The following IGSF9 variants were observed in gnomAD, a reference collection of about 807,000 sequenced individuals.
IGSF9 encodes protein turtle homolog A.
In IGSF9, 87 loss-of-function variants were observed where a neutral mutation model predicts 121.7. That is an observed-to-expected ratio of 0.71 (90% CI 0.60 to 0.85). The LOEUF is 0.85. IGSF9 is among the 40% of genes least tolerant of loss of function. The pLI, the probability that IGSF9 is intolerant of heterozygous loss-of-function variation, is 0.00. For missense variants in IGSF9, 1,462 were observed against 1,565.3 expected (o/e 0.93, Z 1.11); for synonymous variants, 640 against 648.4 (o/e 0.99, Z 0.20).
chr1:159,935,449 C>A (rs1240865756), intron 6 of IGSF9, among the ~76,000 whole-genome samples: 1 of 152,232 alleles, frequency 6.6e-6, no homozygotes, highest in Non-Finnish European at 1.5e-5. Context: ...GGGCAGCTGG[C>A]TGTCCCCCAT....
At position 159,930,821 on chromosome 1, in the gene IGSF9, C is replaced by T; in HGVS notation, c.1684G>A (p.Val562Met). The part of the protein sequence containing the change: ...RMHHDWVSLA[V>M]PVGAAHLLVP... The stretch of plus-strand genomic sequence containing the variant: ...AGGAGGTGAGCAGCCCCCACAGGCA[C>T]TGCCAAGGACACCCAGTCATGGTGC... Residue 562 changes from valine (V) to methionine (M), a missense_variant, in exon 14 of 21, where the codon GTG (valine) becomes ATG (methionine). By Grantham distance (21) the Val-to-Met change is conservative. Coordinates refer to ENST00000368094, the MANE Select transcript of IGSF9 (RefSeq NM_001135050.2). 1 of 1,613,416 alleles carries T rather than the reference C, an allele frequency of 6.2e-7. No homozygotes were observed. Among genetic ancestry groups the T allele is most frequent in the Non-Finnish European group, 8.5e-7 (1 of 1,179,684 alleles).
intron 16 of IGSF9, 33 bp downstream of exon 16, chr1:159,929,858 C>A (rs948867826): frequency 6.3e-7 from 1 of 1,584,640 alleles, no homozygotes; most frequent in Admixed American, 1.8e-5. Context: ...CTCGGAGCAG[C>A]CCTGGGGCTC....
At chr1:159,929,151 G>T in intron 18 of IGSF9, 133 bp from the exon 19 acceptor site, 2 of 1,322,588 alleles carry the variant, frequency 1.5e-6, no homozygotes, top group Non-Finnish European at 2.1e-6. Flanking sequence ...GACCAACAAG[G>T]TGGAGGGGTG....
At position 159,942,983 on chromosome 1, in the gene IGSF9, C is replaced by A; in HGVS notation, c.227G>T (p.Arg76Leu). 1 of 1,613,054 alleles carries A rather than the reference C, an allele frequency of 6.2e-7. No homozygotes were observed. Residue 76 changes from arginine to leucine, a missense_variant, in exon 3 of 21, where the codon CGA becomes CTA. This residue lies in a region of IGSF9 where 558 missense variants were observed against 599.4 expected (regional missense o/e 0.93). Coordinates refer to ENST00000368094, the MANE Select transcript of IGSF9 (RefSeq NM_001135050.2). ...IFIQFGLYSP[R>L]IDPDYVGRVR... ...CTTACCCACGTAATCAGGGTCAATT[C>A]GGGGAGAGTAGAGGCCGAACTGGAT...
chr1:159,943,559 A>G lies in IGSF9; in HGVS notation c.-105T>C. On this transcript the variant is annotated 5_prime_UTR_variant, in exon 2 of 21. Coordinates refer to ENST00000368094, the MANE Select transcript of IGSF9 (RefSeq NM_001135050.2). ...GCTCAGGGAACAGGTTTCAGCTCTC[A>G]CTCTTCTGTACAGTGAGGGCTTGGC... is the stretch of plus-strand genomic sequence containing the variant. 9.3e-7 allele frequency: 1 copy of G among 1,076,960 alleles called. No homozygotes were observed. The highest frequency in any genetic ancestry group is 1.3e-6 in the Non-Finnish European group (1 of 779,240). 66.7% of individuals were successfully genotyped at this position (1,076,960 alleles called of 1,614,324 possible). A position where few individuals can be genotyped will look rare whatever the true frequency, so the allele number is the denominator to read the frequency against.
At chr1:159,940,086 C>T (rs1651327745) in intron 3 of IGSF9, among the ~76,000 whole-genome samples, 1 of 152,190 alleles carries the variant, frequency 6.6e-6, no homozygotes, top group South Asian at 2.1e-4. Context: ...ATTTAATCCT[C>T]CCAAGAATTC....
rs1243890431 is a variant in IGSF9, at chr1:159,936,435, C to T, written c.637G>A (p.Gly213Ser). ...AGCTGGGTGGCGTGGGTGGCGCTGC[C>T]CTCAGTGCTGGAGGCTTGGCAGGTG... ...VYTCQASSTE[G>S]SATHATQLLV... The change falls in exon 6 of 21, where the codon GGC becomes AGC. Residue 213 changes from glycine (G) to serine (S), a missense_variant. Around this residue, in one of 3 missense-constraint regions of IGSF9, gnomAD observed 558 missense variants for 599.4 expected, o/e 0.93. Transcript: ENST00000368094. The T allele has an allele frequency of 6.2e-7, 1 of 1,614,096 alleles. No homozygotes were observed. Among genetic ancestry groups the T allele is most frequent in the Non-Finnish European group, 8.5e-7 (1 of 1,180,006 alleles).
In IGSF9 at chr1:159,929,673, C is replaced by G. The variant is rs1253367574; in HGVS notation, c.2291G>C (p.Arg764Thr). 6.3e-7 allele frequency: 1 copy of G among 1,595,644 alleles called. No individual in the cohort carries two copies. The highest frequency in any genetic ancestry group is 1.3e-5 in the African/African-American group (1 of 74,868). Residue 764 changes from arginine (R) to threonine (T), a missense_variant, in exon 17 of 21, where the codon AGG (arginine) becomes ACG (threonine). By Grantham distance (71) the Arg-to-Thr change is moderately conservative. Around this residue, in one of 3 missense-constraint regions of IGSF9, gnomAD observed 808 missense variants for 815.2 expected, o/e 0.99. Coordinates refer to ENST00000368094, the MANE Select transcript of IGSF9 (RefSeq NM_001135050.2). The part of the protein sequence containing the change: ...ILAGCLLNRR[R>T]AARRRRKRLR... Reference sequence around the variant, plus strand: ...GCGCTTGCGGCGGCGGCGGGCAGCCCTGCGCCGGTTCAGGAGGCAGCCGGC... The same window carrying G: ...GCGCTTGCGGCGGCGGCGGGCAGCCGTGCGCCGGTTCAGGAGGCAGCCGGC...
chr1:159,931,650 A>T lies in IGSF9; in HGVS notation c.1363-47T>A. ...CTGAGGACACACGCAGCCACCCCTC[A>T]CCAAAGGCGCCCCTCATCTCTCCAG... On this transcript the variant is annotated intron_variant, in intron 11 of 20. Transcript: ENST00000368094. This position sits in a 1 kb window ranked among gnomAD's most constrained non-coding sequence, Gnocchi z 4.8. The T allele has an allele frequency of 6.3e-7, 1 of 1,593,742 alleles. No homozygotes were observed. The highest frequency in any genetic ancestry group is 8.6e-7 in the Non-Finnish European group (1 of 1,166,638).
rs1651196557 is a variant in IGSF9, at chr1:159,936,639, T to C, written c.555+115A>G. 33 of 1,528,936 alleles carry C rather than the reference T, an allele frequency of 2.2e-5. 1 individual carries two copies. Among genetic ancestry groups the C allele is most frequent in the Middle Eastern group, 4.5e-4 (2 of 4,478 alleles). The allele number at this position is 1,528,936 out of a possible 1,614,324, so 94.7% of individuals were successfully genotyped here. A position where few individuals can be genotyped will look rare whatever the true frequency, so the allele number is the denominator to read the frequency against. The stretch of plus-strand genomic sequence containing the variant: ...CGGGGCAAACAATGCCAAGCCCTTC[T>C]TCTGGCCCATCCTCCAGCCTGGCCT... On this transcript the variant is annotated intron_variant, in intron 5 of 20. Coordinates refer to ENST00000368094, the MANE Select transcript of IGSF9 (RefSeq NM_001135050.2).
At position 159,931,377 on chromosome 1, in the gene IGSF9, G is replaced by A. The variant is rs956605458; in HGVS notation, c.1513+76C>T. On this transcript the variant is annotated intron_variant, in intron 12 of 20. Transcript: ENST00000368094. This position sits in a 1 kb window ranked among gnomAD's most constrained non-coding sequence, Gnocchi z 4.8. ...ATCATCCCAGGGGTCCCACACCCAT[G>A]ATCCTCTTTCTGGGCCTCCAAAAAC... 131 of 1,596,920 alleles carry A rather than the reference G, an allele frequency of 8.2e-5. No homozygotes were observed. The highest frequency in any genetic ancestry group is 1.5e-5 in the Non-Finnish European group (18 of 1,169,132).
At chr1:159,941,799 G>A (rs1008788285) in intron 3 of IGSF9, among the ~76,000 whole-genome samples, 18 of 152,208 alleles carry the variant, frequency 1.2e-4, no homozygotes, top group Admixed American at 9.2e-4. Flanking sequence ...GGGCACAGCC[G>A]TTTTTTTCTC....
chr1:159,943,055 A>G lies in IGSF9; in HGVS notation c.155T>C (p.Leu52Pro), dbSNP rs767227752. The part of the protein sequence containing the change: ...DLLPPAGRPP[L>P]HVIEWLRFGF... ...AAAGCGCAGCCACTCGATGACATGC[A>G]GGGGGGGCCGGCCGGCCGGGGGCAG... Residue 52 changes from leucine (L) to proline (P), a missense_variant, in exon 3 of 21, where the codon CTG becomes CCG. This residue lies in a region of IGSF9 where 558 missense variants were observed against 599.4 expected (regional missense o/e 0.93). Coordinates refer to ENST00000368094, the MANE Select transcript of IGSF9 (RefSeq NM_001135050.2). 5.0e-6 allele frequency: 8 copies of G among 1,612,994 alleles called. No individual in the cohort carries two copies. Among genetic ancestry groups the G allele is most frequent in the East Asian group, 2.2e-5 (1 of 44,818 alleles).
intron 4 of IGSF9, 32 bp downstream of exon 4, chr1:159,937,654 C>T (rs1252139213): frequency 1.2e-6 from 2 of 1,602,184 alleles, no homozygotes; most frequent in Non-Finnish European, 1.7e-6. Context: ...TCCTCCCCGT[C>T]CTTCTCCACC....
Position 159,929,021 on chromosome 1 carries a change from G to A in IGSF9, c.2370-3C>T. 2 of 1,515,130 alleles carry A rather than the reference G, an allele frequency of 1.3e-6. No homozygotes were observed. Among genetic ancestry groups the A allele is most frequent in the Non-Finnish European group, 1.8e-6 (2 of 1,133,628 alleles). 93.9% of individuals were successfully genotyped at this position (1,515,130 alleles called of 1,614,324 possible). A position where few individuals can be genotyped will look rare whatever the true frequency, so the allele number is the denominator to read the frequency against. On this transcript the variant is annotated splice_polypyrimidine_tract_variant and splice_region_variant and intron_variant, in intron 18 of 20. Transcript: ENST00000368094. ...GACTGCCTGAGCCCAGAGCAGAGCT[G>A]GGGAAGGACAGGAGATCAGGGTCTG... is the stretch of plus-strand genomic sequence containing the variant.
chr1:159,927,565 G>A (rs373182302), intron 20 of IGSF9, 39 bp from the exon 21 acceptor site: 181 of 1,593,732 alleles, frequency 1.1e-4, no homozygotes, highest in Middle Eastern at 3.3e-4. Flanking sequence ...GAAGCCCTGA[G>A]GTTCACTGAG....
At chr1:159,929,457 T>C (rs1650891210) in intron 17 of IGSF9, 64 bp from the exon 18 acceptor site, 1 of 1,586,886 alleles carries the variant, frequency 6.3e-7, no homozygotes, top group Admixed American at 1.7e-5. Context: ...GCGGAGACTC[T>C]CTCACCCAAC....
chr1:159,935,885 C>G lies in IGSF9; in HGVS notation c.673+514G>C, dbSNP rs530650723. Reference sequence around the variant, plus strand: ...ACCCGGCACTGCCTTTCTTACAGTACCACGGACAGCAACACTTCCCTGTTT... The same window carrying G: ...ACCCGGCACTGCCTTTCTTACAGTAGCACGGACAGCAACACTTCCCTGTTT... On this transcript the variant is annotated intron_variant, in intron 6 of 20. Transcript: ENST00000368094. Among the ~76,000 whole-genome samples the G allele has an allele frequency of 2.0e-5, 3 of 152,230 alleles. No individual in the cohort carries two copies. In the East Asian group the frequency reaches 5.8e-4, roughly 29 times the overall value.
chr1:159,930,002 G>GCCATCCCCTGGTTGGTGCT (rs761424600), intron 15 of IGSF9, 27 bp from the exon 16 acceptor site: 31 of 1,592,868 alleles, frequency 1.9e-5, no homozygotes, highest in Middle Eastern at 3.3e-4. Flanking sequence ...GTACCAGGAG[G>GCCATCCCCTGGTTGGTGCT]GAGGTCAGGG....
Sources: gnomAD v4.1 joint callset for allele counts (sites outside exome capture counted in the v4.1 genomes callset) on GRCh38, gnomAD v4.1.1 for gene constraint, gnomAD v4.1.1 regional missense constraint, Gnocchi (gnomAD v3.1) non-coding constraint, MANE v1.5 for transcripts, NCBI Gene and HGNC (gene_info 2026-07-23, HGNC 2026-07-21) for gene names.